TRIM50: variants seen among roughly 807,000 people sequenced by gnomAD.
TRIM50 encodes tripartite motif containing 50, also known as E3 ubiquitin-protein ligase TRIM50.
Under a neutral mutation model 44.9 loss-of-function variants are expected in TRIM50, and 34 were observed. The ratio of observed to expected loss-of-function variants is 0.76; its 90% CI spans 0.58 to 1.01. The LOEUF (loss-of-function observed/expected upper bound fraction) is 1.01, where lower values mean the gene tolerates loss of function less well. Among genes scored for constraint, TRIM50 ranks in the 50% least tolerant of loss-of-function variants. TRIM50 has a pLI of 0.00. For missense variants in TRIM50, 633 were observed against 663.7 expected, an observed-to-expected ratio of 0.95 and a Z score of 0.51; for synonymous variants, 307 against 291.1, an observed-to-expected ratio of 1.05 and a Z score of -0.56.
rs182471745 is a variant in TRIM50, at chr7:73,324,238, A to C, written c.399+151T>G. 5.5e-3 allele frequency: 8,009 copies of C among 1,444,802 alleles called. 29 individuals carry two copies. The highest frequency in any genetic ancestry group is 6.8e-3 in the Non-Finnish European group (7,389 of 1,080,658). The allele number at this position is 1,444,802 out of a possible 1,614,324, so 89.5% of individuals were successfully genotyped here. On this transcript the variant is annotated intron_variant, in intron 2 of 6. Coordinates refer to ENST00000333149, the MANE Select transcript of TRIM50 (RefSeq NM_178125.3). Reference sequence around the variant, plus strand: ...ATCCCCGGCACCTGGGTTGAGCTGCAGCTCAAACGCTAAGGAATGAATGCG... The same window carrying C: ...ATCCCCGGCACCTGGGTTGAGCTGCCGCTCAAACGCTAAGGAATGAATGCG...
Position 73,312,682 on chromosome 7 carries a change from G to C in TRIM50, c.*239C>G. The C allele has an allele frequency of 1.9e-6, 1 of 514,354 alleles. No individual in the cohort carries two copies. Among genetic ancestry groups the C allele is most frequent in the East Asian group, 3.1e-5 (1 of 31,768 alleles). 31.9% of individuals were successfully genotyped at this position (514,354 alleles called of 1,614,324 possible). On this transcript the variant is annotated 3_prime_UTR_variant, in exon 7 of 7. Transcript: ENST00000333149. The stretch of plus-strand genomic sequence containing the variant: ...TGGTTAGCAAGTGGCAGGAACCATG[G>C]GGATTTCAGTGTGTCCCTGGCTGCC...
At chr7:73,315,864 T>A (rs531519705) in intron 6 of TRIM50, among the ~76,000 whole-genome samples, 157 of 152,168 alleles carry the variant, frequency 1.0e-3, no homozygotes, top group Non-Finnish European at 1.4e-3. Flanking sequence ...AGGAAGGACA[T>A]TTTTAAAAGG....
rs782692703 is a variant in TRIM50 at position 73,316,626 on chromosome 7, G to A, written c.813C>T (p.Gly271=). 7 of 1,614,120 alleles carry A rather than the reference G, an allele frequency of 4.3e-6. No homozygotes were observed. The highest frequency in any genetic ancestry group is 5.9e-6 in the Non-Finnish European group (7 of 1,180,052). Residue 271 remains glycine (G), a synonymous_variant, in exon 6 of 7, where the codon GGC becomes GGT. Transcript: ENST00000333149. ...GAFSPISFKP[G]LHQADIKLTV... The stretch of plus-strand genomic sequence containing the variant: ...TCAGCTTGATGTCAGCCTGGTGGAG[G>A]CCTGGCTTGAAGGAGATGGGGCTGA...
At chr7:73,318,283 C>A (rs1554544419) in intron 5 of TRIM50, among the ~76,000 whole-genome samples, 1 of 152,186 alleles carries the variant, frequency 6.6e-6, no homozygotes, top group Non-Finnish European at 1.5e-5. Flanking sequence ...CACATGACAC[C>A]ATGCCCAACT....
In TRIM50 at chr7:73,324,464, A is replaced by G; in HGVS notation, c.324T>C (p.Cys108=). The change falls in exon 2 of 7, where the codon TGT becomes TGC. Residue 108 remains cysteine (C), a synonymous_variant. Transcript: ENST00000333149. ...LFCEKDQELI[C]GLCGLLGSHQ... ...GGGAGCCCAGCAGACCGCAGAGGCC[A>G]CAGATGAGCTCCTGGTCCTTCTCGC... The G allele has an allele frequency of 6.2e-7, 1 of 1,613,564 alleles. No individual in the cohort carries two copies. Among genetic ancestry groups the G allele is most frequent in the Non-Finnish European group, 8.5e-7 (1 of 1,180,022 alleles).
intron 2 of TRIM50, among the ~76,000 whole-genome samples, chr7:73,323,099 CT>C (rs1804533232): frequency 6.6e-6 from 1 of 152,226 alleles, no homozygotes; most frequent in African/African-American, 2.4e-5. Flanking sequence ...TTCCCATCGA[CT>C]TAGGTCCTGG....
chr7:73,312,901 C>T lies in TRIM50; in HGVS notation c.*20G>A, dbSNP rs781794375. 68 of 1,504,750 alleles carry T rather than the reference C, an allele frequency of 4.5e-5. No homozygotes were observed. The African/African-American group carries it at 8.6e-4, about 19-fold the overall frequency. 93.2% of individuals were successfully genotyped at this position (1,504,750 alleles called of 1,614,324 possible). Reference sequence around the variant, plus strand: ...GCCCCGCCGGGATGGGCCTGTGGGCCGGCAGGACTCCGGGCGGCCCTACAG... The same window carrying T: ...GCCCCGCCGGGATGGGCCTGTGGGCTGGCAGGACTCCGGGCGGCCCTACAG... On this transcript the variant is annotated 3_prime_UTR_variant, in exon 7 of 7. Coordinates refer to ENST00000333149, the MANE Select transcript of TRIM50 (RefSeq NM_178125.3).
chr7:73,327,791 A>C (rs1430842817), intron 1 of TRIM50, 109 bp downstream of exon 1: 2 of 240,028 alleles, frequency 8.3e-6, no homozygotes, highest in Non-Finnish European at 1.7e-5. Flanking sequence ...CATGTGTCTC[A>C]TCATGCCCCA....
At chr7:73,322,443 C>T (rs551539419) in intron 2 of TRIM50, among the ~76,000 whole-genome samples, 43 of 152,264 alleles carry the variant, frequency 2.8e-4, no homozygotes, top group African/African-American at 1.0e-3. Context: ...AGCTCCCAGC[C>T]TGTTTCCCTC....
At chr7:73,324,057 A>G (rs572487903) in intron 2 of TRIM50, among the ~76,000 whole-genome samples, 1 of 152,172 alleles carries the variant, frequency 6.6e-6, no homozygotes, top group East Asian at 1.9e-4. Flanking sequence ...AAAGAAAAAA[A>G]AGAAAGGAGA....
At chr7:73,326,980 G>A (rs1429119770) in intron 1 of TRIM50, among the ~76,000 whole-genome samples, 2 of 152,240 alleles carry the variant, frequency 1.3e-5, no homozygotes, top group East Asian at 3.9e-4. Flanking sequence ...TAGTAGAGAT[G>A]GGGTTTCATC....
At position 73,316,820 on chromosome 7, in the gene TRIM50, C is replaced by T. The variant is rs1804372749; in HGVS notation, c.750-131G>A. On this transcript the variant is annotated intron_variant, in intron 5 of 6. Coordinates refer to ENST00000333149, the MANE Select transcript of TRIM50 (RefSeq NM_178125.3). ...AGTCACAATGCCCATCAATGCCCAT[C>T]ATCCCCTCCCCTGCACAGCCCCTTC... 12 of 1,373,930 alleles carry T rather than the reference C, an allele frequency of 8.7e-6. No individual in the cohort carries two copies. In the South Asian group the frequency reaches 1.7e-4, roughly 19 times the overall value. 85.1% of individuals were successfully genotyped at this position (1,373,930 alleles called of 1,614,324 possible). A position where few individuals can be genotyped will look rare whatever the true frequency, so the allele number is the denominator to read the frequency against.
chr7:73,318,542 C>CT, intron 5 of TRIM50, 145 bp downstream of exon 5: 2 of 1,548,694 alleles, frequency 1.3e-6, no homozygotes, highest in Admixed American at 1.8e-5. Context: ...TGACTTTCCT[C>CT]TGTTTTTCCC....
At position 73,312,713 on chromosome 7, in the gene TRIM50, C is replaced by T. The variant is rs1466997438; in HGVS notation, c.*208G>A. On this transcript the variant is annotated 3_prime_UTR_variant, in exon 7 of 7. Transcript: ENST00000333149. ...TCAGTGTGTCCCTGGCTGCCAAGGC[C>T]TGGGGGCCGAAGTTTACAAATACAC... 1.5e-5 allele frequency: 8 copies of T among 549,508 alleles called. No homozygotes were observed. The highest frequency in any genetic ancestry group is 2.5e-5 in the Non-Finnish European group (8 of 314,550). The allele number at this position is 549,508 out of a possible 1,614,324, so 34.0% of individuals were successfully genotyped here.
At chr7:73,314,727 A>G (rs1418946165) in intron 6 of TRIM50, 1 of 213,580 alleles carries the variant, frequency 4.7e-6, no homozygotes, top group Non-Finnish European at 9.4e-6. Flanking sequence ...GCACACGCCT[A>G]TAGTCCCAAC....
chr7:73,312,623 A>G lies in TRIM50; in HGVS notation c.*298T>C. 1 of 409,428 alleles carries G rather than the reference A, an allele frequency of 2.4e-6. No homozygotes were observed. The allele number at this position is 409,428 out of a possible 1,614,324, so 25.4% of individuals were successfully genotyped here. A position where few individuals can be genotyped will look rare whatever the true frequency, so the allele number is the denominator to read the frequency against. On this transcript the variant is annotated 3_prime_UTR_variant, in exon 7 of 7. Transcript: ENST00000333149. Reference sequence around the variant, plus strand: ...ATATGGAAAAGGTATACATGGGACTATTTCTGCCCTCGGAAGCGTCTGCGC... The same window carrying G: ...ATATGGAAAAGGTATACATGGGACTGTTTCTGCCCTCGGAAGCGTCTGCGC...
chr7:73,316,637 A>C lies in TRIM50; in HGVS notation c.802T>G (p.Phe268Val), dbSNP rs1554544124. The change falls in exon 6 of 7, where the codon TTC (phenylalanine) becomes GTC (valine). Residue 268 changes from phenylalanine to valine, a missense_variant. By Grantham distance (50) the Phe-to-Val change is conservative. Transcript: ENST00000333149. ...PLEGAFSPIS[F>V]KPGLHQADIK... is the part of the protein sequence containing the mutation. ...TCAGCCTGGTGGAGGCCTGGCTTGA[A>C]GGAGATGGGGCTGAATGCGCCTTCT... 1 of 1,614,230 alleles carries C rather than the reference A, an allele frequency of 6.2e-7. No homozygotes were observed. Among genetic ancestry groups the C allele is most frequent in the African/African-American group, 1.3e-5 (1 of 75,072 alleles).
rs1804607476 is a variant in TRIM50 at position 73,325,674 on chromosome 7, C to G, written c.-18-869G>C. ...CAAGGTCACCAGAATCAGGTGGAAA[C>G]TGGGTTACATCACGGGACTGGGGAG... is the stretch of plus-strand genomic sequence containing the variant. On this transcript the variant is annotated intron_variant, in intron 1 of 6. Coordinates refer to ENST00000333149, the MANE Select transcript of TRIM50 (RefSeq NM_178125.3). 2.0e-5 allele frequency: 3 copies of G among 153,844 alleles called. No homozygotes were observed. In the South Asian group the frequency reaches 6.2e-4, roughly 32 times the overall value. The allele number at this position is 153,844 out of a possible 1,614,324, so 9.5% of individuals were successfully genotyped here.
chr7:73,324,667 CCAGG>C lies in TRIM50; in HGVS notation c.117_120del (p.Cys39TrpfsTer35). 1 of 1,614,228 alleles carries C rather than the reference CCAGG, an allele frequency of 6.2e-7. No individual in the cohort carries two copies. Among genetic ancestry groups the C allele is most frequent in the Non-Finnish European group, 8.5e-7 (1 of 1,180,046 alleles). ...GCATCCAGGTGGCAGGACAGGGAAA[CCAGG>C]CAGCCCTTGCAGTAAGAGTGGCCAC... On this transcript the variant is annotated frameshift_variant, in exon 2 of 7. Transcript: ENST00000333149. LOFTEE classifies it high-confidence loss of function.
Sources: gnomAD v4.1 joint callset for allele counts (sites outside exome capture counted in the v4.1 genomes callset) on GRCh38, gnomAD v4.1.1 for gene constraint, MANE v1.5 for transcripts, NCBI Gene and HGNC (gene_info 2026-07-23, HGNC 2026-07-21) for gene names.